CAMKMT: variants seen among roughly 807,000 people sequenced by gnomAD.
The protein encoded by CAMKMT is CaM KMT.
CAMKMT carries 53 observed loss-of-function variants against 48.0 expected under a neutral mutation model. The ratio of observed to expected loss-of-function variants is 1.10; its 90% confidence interval spans 0.89 to 1.39. The LOEUF (loss-of-function observed/expected upper bound fraction) is 1.39, where lower values mean the gene tolerates loss of function less well. Ranked by LOEUF, CAMKMT falls within the 40% of genes most tolerant of loss-of-function variation. The pLI is 0.00. For synonymous variants in CAMKMT, 165 were observed against 152.3 expected (o/e 1.08, Z -0.61); for missense variants, 428 against 402.7 (o/e 1.06, Z -0.54).
intron 3 of CAMKMT, among the ~76,000 whole-genome samples, chr2:44,689,333 C>G (rs183116775): frequency 3.0e-3 from 452 of 150,532 alleles, no homozygotes; most frequent in Non-Finnish European, 5.4e-3. Flanking sequence ...GAGTCTCGCT[C>G]TGTTGCCCAG....
At chr2:44,425,268 C>T (rs1684206200) in intron 3 of CAMKMT, among the ~76,000 whole-genome samples, 1 of 151,960 alleles carries the variant, frequency 6.6e-6, no homozygotes, top group Non-Finnish European at 1.5e-5. Context: ...CAAAAGACAA[C>T]AATATTTCAA....
intron 6 of CAMKMT, among the ~76,000 whole-genome samples, chr2:44,710,734 G>T (rs1677835137): frequency 6.6e-6 from 1 of 152,066 alleles, no homozygotes. Flanking sequence ...GAATAGGAGA[G>T]AGACATGGTA....
At chr2:44,500,744 C>G (rs1183537496) in intron 3 of CAMKMT, among the ~76,000 whole-genome samples, 1 of 150,406 alleles carries the variant, frequency 6.6e-6, no homozygotes, top group Non-Finnish European at 1.5e-5. Context: ...TGCAGTGGCA[C>G]AATCTCAGCT....
chr2:44,606,199 C>G (rs1671271098), intron 3 of CAMKMT, among the ~76,000 whole-genome samples: 1 of 152,038 alleles, frequency 6.6e-6, no homozygotes, highest in Admixed American at 6.6e-5. Context: ...AAGTATTAGC[C>G]AAAAGTGATC....
chr2:44,484,796 C>G (rs1669136222), intron 3 of CAMKMT, among the ~76,000 whole-genome samples: 1 of 151,412 alleles, frequency 6.6e-6, no homozygotes, highest in Admixed American at 6.6e-5. Context: ...ATGTAAGTTA[C>G]AGAGTAGGAG....
chr2:44,403,804 A>G (rs1367462272), intron 3 of CAMKMT, among the ~76,000 whole-genome samples: 1 of 150,958 alleles, frequency 6.6e-6, no homozygotes, highest in Non-Finnish European at 1.5e-5. Context: ...ATTAGACTAC[A>G]TATGGTTCTT....
chr2:44,768,323 G>T, intron 10 of CAMKMT, among the ~76,000 whole-genome samples: 1 of 140,534 alleles, frequency 7.1e-6, no homozygotes, highest in South Asian at 2.2e-4. Flanking sequence ...CTGGATAAAA[G>T]GTATAAACGG....
At chr2:44,766,162 G>A (rs1025798608) in intron 9 of CAMKMT, among the ~76,000 whole-genome samples, 9 of 152,098 alleles carry the variant, frequency 5.9e-5, no homozygotes, top group Non-Finnish European at 4.4e-5. Flanking sequence ...TCGGAACACC[G>A]GCTTTCAACC....
intron 3 of CAMKMT, among the ~76,000 whole-genome samples, chr2:44,607,108 T>C (rs995189541): frequency 3.3e-5 from 5 of 152,244 alleles, no homozygotes; most frequent in Non-Finnish European, 7.3e-5. Flanking sequence ...TTTGCTACAA[T>C]AGGAAATGCA....
rs2104791608 is a variant in CAMKMT at position 44,519,198 on chromosome 2, T to C, written c.376+128893T>C. ...CTGCTATTGTGTATCTCAGACTTGTTAAAGCTGTTCCAGACTCATGGTGAA... is the reference window on the plus strand; with the variant it reads ...CTGCTATTGTGTATCTCAGACTTGTCAAAGCTGTTCCAGACTCATGGTGAA... On this transcript the variant is annotated intron_variant, in intron 3 of 10. Coordinates refer to ENST00000378494, the MANE Select transcript of CAMKMT (RefSeq NM_024766.5). Among the ~76,000 whole-genome samples, 4 of 152,324 alleles carry C rather than the reference T, an allele frequency of 2.6e-5. 1 individual carries two copies. In the East Asian group the frequency reaches 7.7e-4, roughly 29 times the overall value.
At chr2:44,708,479 C>G (rs1677689249) in intron 6 of CAMKMT, among the ~76,000 whole-genome samples, 2 of 151,828 alleles carry the variant, frequency 1.3e-5, no homozygotes, top group African/African-American at 4.8e-5. Flanking sequence ...CTTGTATGCT[C>G]TACAGAGCCC....
intron 3 of CAMKMT, among the ~76,000 whole-genome samples, chr2:44,512,563 G>T (rs1572686688): frequency 6.6e-6 from 1 of 152,134 alleles, no homozygotes; most frequent in Non-Finnish European, 1.5e-5. Flanking sequence ...ATTGTTGCTA[G>T]CCTTTCAAGA....
At chr2:44,705,201 A>C (rs1677484303) in intron 4 of CAMKMT, 1 of 214,778 alleles carries the variant, frequency 4.7e-6, no homozygotes. Context: ...TTAAACAACC[A>C]AACACTCATT....
intron 2 of CAMKMT, among the ~76,000 whole-genome samples, chr2:44,388,210 T>C (rs1680964642): frequency 6.6e-6 from 1 of 152,164 alleles, no homozygotes; most frequent in African/African-American, 2.4e-5. Context: ...ATTTTCTTAT[T>C]CTTTTTCTCT....
intron 3 of CAMKMT, among the ~76,000 whole-genome samples, chr2:44,458,290 G>T (rs946751485): frequency 2.0e-5 from 3 of 151,980 alleles, no homozygotes; most frequent in South Asian, 2.1e-4. Context: ...CAAGTGATCC[G>T]CCCGCCTCGG....
intron 3 of CAMKMT, among the ~76,000 whole-genome samples, chr2:44,621,272 A>ATAAAATAAAATAAAAT (rs1558750161): frequency 6.3e-5 from 9 of 143,496 alleles, no homozygotes; most frequent in African/African-American, 2.6e-4. Flanking sequence ...ATCTCAAAAA[A>ATAAAATAAAATAAAAT]AAAAAAAAAA....
intron 3 of CAMKMT, among the ~76,000 whole-genome samples, chr2:44,514,317 G>A (rs1169884535): frequency 6.6e-6 from 1 of 150,898 alleles, no homozygotes; most frequent in East Asian, 1.9e-4. Context: ...ACTTCTGCCA[G>A]ACCTTGGTGA....
intron 3 of CAMKMT, among the ~76,000 whole-genome samples, chr2:44,519,096 A>G (rs945360744): frequency 6.6e-6 from 1 of 152,240 alleles, no homozygotes. Context: ...AACCTCTAGG[A>G]TAGATGAACT....
chr2:44,581,533 C>T (rs533917852), intron 3 of CAMKMT, among the ~76,000 whole-genome samples: 31 of 152,200 alleles, frequency 2.0e-4, no homozygotes, highest in African/African-American at 7.0e-4. Context: ...AAATAAAGAC[C>T]TCAATGTTAC....
Sources: gnomAD v4.1 joint callset for allele counts (sites outside exome capture counted in the v4.1 genomes callset) on GRCh38, gnomAD v4.1.1 for gene constraint, MANE v1.5 for transcripts, NCBI Gene and HGNC (gene_info 2026-07-23, HGNC 2026-07-21) for gene names.